The following DBT variants were observed in gnomAD, a reference collection of about 807,000 sequenced individuals.
The protein encoded by DBT is dihydrolipoamide branched chain transacylase E2, also known as lipoamide acyltransferase component of branched-chain alpha-keto acid dehydrogenase complex, mitochondrial.
A neutral mutation model predicts 51.3 loss-of-function variants in DBT; 40 were observed. That is an observed-to-expected ratio of 0.78 (90% CI 0.61 to 1.02). The LOEUF (loss-of-function observed/expected upper bound fraction) is 1.02. Ranked by LOEUF, DBT falls within the 50% of genes least tolerant of loss-of-function variation. The pLI is 0.00. For missense variants in DBT, 510 were observed against 580.2 expected (o/e 0.88, Z 1.24); for synonymous variants, 181 against 190.4 (o/e 0.95, Z 0.41).
chr1:100,221,321 TTTA>T (rs879393521), intron 4 of DBT, among the ~76,000 whole-genome samples: 6 of 152,180 alleles, frequency 3.9e-5, no homozygotes, highest in Admixed American at 3.9e-4. Flanking sequence ...AGCAGAAGAT[TTTA>T]AATAATCTTC....
rs145674833 is a variant in DBT at position 100,240,860 on chromosome 1, A to G, written c.76T>C (p.Cys26Arg). 5.0e-4 allele frequency: 804 copies of G among 1,613,268 alleles called. 4 individuals carry two copies. The African/African-American group carries it at 9.0e-3, about 18-fold the overall frequency. The stretch of plus-strand genomic sequence containing the variant: ...GGCTTCAAAACATGAACATTACCAC[A>G]TGTTTGAAAATAGCGAACACAAATC... The part of the protein sequence containing the change: ...KLICVRYFQT[C>R]GNVHVLKPNY... The change falls in exon 2 of 11, where the codon TGT becomes CGT. Residue 26 changes from cysteine to arginine, a missense_variant. Physicochemically the swap from Cys to Arg is radical, Grantham distance 180. Transcript: ENST00000370132.
intron 2 of DBT, 133 bp downstream of exon 2, chr1:100,240,628 G>A: frequency 1.3e-6 from 1 of 744,884 alleles, no homozygotes; most frequent in Non-Finnish European, 2.4e-6. Context: ...AATGTGGGGA[G>A]ATGGGAAGGG....
Position 100,249,758 on chromosome 1 carries a change from A to G in DBT, c.51+12T>C. 6.2e-7 allele frequency: 1 copy of G among 1,613,900 alleles called. No homozygotes were observed. The highest frequency in any genetic ancestry group is 2.2e-5 in the East Asian group (1 of 44,890). ...CTCCTTCCCGGCCTCAGATCTGCCCAAACGTGCTTACCAGCTTCCCCGCAT... is the reference window on the plus strand; with the variant it reads ...CTCCTTCCCGGCCTCAGATCTGCCCGAACGTGCTTACCAGCTTCCCCGCAT... On this transcript the variant is annotated intron_variant, in intron 1 of 10. Coordinates refer to ENST00000370132, the MANE Select transcript of DBT (RefSeq NM_001918.5).
At chr1:100,243,508 G>A (rs1664352389) in intron 1 of DBT, among the ~76,000 whole-genome samples, 1 of 151,934 alleles carries the variant, frequency 6.6e-6, no homozygotes, top group African/African-American at 2.4e-5. Context: ...TTTTAGTAGA[G>A]ACGGGGTTTC....
chr1:100,213,966 A>AAAG (rs1553230542), intron 7 of DBT, among the ~76,000 whole-genome samples: 31 of 135,854 alleles, frequency 2.3e-4, no homozygotes, highest in Non-Finnish European at 3.9e-4. Context: ...AAAAAAAAAA[A>AAAG]AGAGAGAGAT....
In DBT at chr1:100,218,657, G is replaced by A. The variant is rs758971960; in HGVS notation, c.524C>T (p.Pro175Leu). 1 of 1,614,070 alleles carries A rather than the reference G, an allele frequency of 6.2e-7. No homozygotes were observed. Among genetic ancestry groups the A allele is most frequent in the Admixed American group, 1.7e-5 (1 of 60,022 alleles). Residue 175 changes from proline (P) to leucine (L), a missense_variant, in exon 5 of 11, where the codon CCT becomes CTT. By Grantham distance (98) the Pro-to-Leu change is moderately conservative. Coordinates refer to ENST00000370132, the MANE Select transcript of DBT (RefSeq NM_001918.5). The part of the protein sequence containing the change: ...EIKGRKTLAT[P>L]AVRRLAMENN... Reference sequence around the variant, plus strand: ...TTCCATTGCCAGACGGCGAACTGCAGGAGTTGCCAGTGTTTTTCGGCCCTT... The same window carrying A: ...TTCCATTGCCAGACGGCGAACTGCAAGAGTTGCCAGTGTTTTTCGGCCCTT...
At chr1:100,212,035 G>GTGT (rs1491077190) in intron 7 of DBT, among the ~76,000 whole-genome samples, 1 of 152,214 alleles carries the variant, frequency 6.6e-6, no homozygotes, top group East Asian at 1.9e-4. Context: ...GCCTCCTAAA[G>GTGT]TGTTGGGATT....
At chr1:100,205,665 G>GCA (rs1294039468) in intron 10 of DBT, among the ~76,000 whole-genome samples, 1 of 152,180 alleles carries the variant, frequency 6.6e-6, no homozygotes, top group South Asian at 2.1e-4. Context: ...GTTTATTGCA[G>GCA]CACTATTCAC....
At position 100,249,780 on chromosome 1, in the gene DBT, G is replaced by A; in HGVS notation, c.41C>T (p.Ala14Val). Residue 14 changes from alanine to valine, a missense_variant, in exon 1 of 11, where the codon GCG becomes GTG. Ala to Val is a moderately conservative substitution (Grantham distance 64). Transcript: ENST00000370132. The stretch of plus-strand genomic sequence containing the variant: ...CCCAAACGTGCTTACCAGCTTCCCC[G>A]CATTCCTGCTCCAGGTTCTCAGCAT... ...VRMLRTWSRN[A>V]GKLICVRYFQ... 3 of 1,614,056 alleles carry A rather than the reference G, an allele frequency of 1.9e-6. No homozygotes were observed. Among genetic ancestry groups the A allele is most frequent in the Non-Finnish European group, 1.7e-6 (2 of 1,179,936 alleles).
chr1:100,234,096 C>CT (rs559231481), intron 3 of DBT, among the ~76,000 whole-genome samples: 2 of 152,164 alleles, frequency 1.3e-5, no homozygotes, highest in Non-Finnish European at 2.9e-5. Flanking sequence ...GGAAGAAAGT[C>CT]TTTGAAGAGG....
At chr1:100,206,953 CCT>C (rs973368862) in intron 8 of DBT, among the ~76,000 whole-genome samples, 12 of 152,112 alleles carry the variant, frequency 7.9e-5, no homozygotes, top group African/African-American at 2.4e-4. Context: ...GTGGCACAGG[CCT>C]GTGATCCCAG....
chr1:100,217,752 ATAAG>A (rs1469081328), intron 5 of DBT, among the ~76,000 whole-genome samples: 1 of 150,950 alleles, frequency 6.6e-6, no homozygotes, highest in African/African-American at 2.4e-5. Context: ...TTGGTTTTAG[ATAAG>A]TTAATCAACC....
At chr1:100,219,432 T>C (rs1263981524) in intron 4 of DBT, among the ~76,000 whole-genome samples, 1 of 152,014 alleles carries the variant, frequency 6.6e-6, no homozygotes, top group African/African-American at 2.4e-5. Flanking sequence ...AAGGATCAAA[T>C]GTAAGATAAA....
intron 2 of DBT, among the ~76,000 whole-genome samples, chr1:100,239,379 G>C (rs1664075139): frequency 6.6e-6 from 1 of 151,796 alleles, no homozygotes; most frequent in Non-Finnish European, 1.5e-5. Context: ...ATTTTCTCTG[G>C]GAAGTAACAA....
At chr1:100,226,015 C>T (rs576916613) in intron 4 of DBT, among the ~76,000 whole-genome samples, 92 of 152,050 alleles carry the variant, frequency 6.1e-4, no homozygotes, top group Middle Eastern at 3.4e-3. Context: ...CAAAACAAAA[C>T]AAATAACAAA....
At chr1:100,240,522 T>G (rs1420666105) in intron 2 of DBT, among the ~76,000 whole-genome samples, 1 of 152,142 alleles carries the variant, frequency 6.6e-6, no homozygotes, top group Non-Finnish European at 1.5e-5. Flanking sequence ...AGTGAGATCC[T>G]GTCTCTAAAA....
chr1:100,237,747 C>T (rs941087191), intron 2 of DBT, among the ~76,000 whole-genome samples: 39 of 152,018 alleles, frequency 2.6e-4, no homozygotes, highest in African/African-American at 8.9e-4. Context: ...AGTGATCCTC[C>T]CACCTCAGCT....
At chr1:100,230,959 G>T in intron 3 of DBT, 45 bp from the exon 4 acceptor site, 2 of 1,148,238 alleles carry the variant, frequency 1.7e-6, no homozygotes, top group Non-Finnish European at 1.3e-6. Flanking sequence ...ACAGTCATAA[G>T]TACAGATCAT....
chr1:100,225,051 AT>A (rs1663104409), intron 4 of DBT, among the ~76,000 whole-genome samples: 1 of 36,142 alleles, frequency 2.8e-5, no homozygotes. Context: ...AAATATATAT[AT>A]ACACACACAC....
Sources: gnomAD v4.1 joint callset for allele counts (sites outside exome capture counted in the v4.1 genomes callset) on GRCh38, gnomAD v4.1.1 for gene constraint, MANE v1.5 for transcripts, NCBI Gene and HGNC (gene_info 2026-07-23, HGNC 2026-07-21) for gene names.